The following LRRC31 variants were observed in gnomAD, a reference collection of about 807,000 sequenced individuals.
LRRC31 encodes leucine rich repeat containing 31.
Under a neutral mutation model 46.7 loss-of-function variants are expected in LRRC31, and 35 were observed. The observed-to-expected ratio is 0.75, with a 90% CI of 0.57 to 0.99. The LOEUF (loss-of-function observed/expected upper bound fraction) is 0.99, where lower values mean the gene tolerates loss of function less well. LRRC31 is among the 50% of genes least tolerant of loss of function. The pLI is 0.00. For missense variants in LRRC31, 613 were observed against 626.1 expected (o/e 0.98, Z 0.22); for synonymous variants, 236 against 235.1 (o/e 1.00, Z -0.03).
intron 8 of LRRC31, among the ~76,000 whole-genome samples, chr3:169,844,266 A>G (rs1198898796): frequency 1.3e-5 from 2 of 152,200 alleles, no homozygotes; most frequent in Non-Finnish European, 2.9e-5. Flanking sequence ...AATGACCATG[A>G]CCAGGCTGAT....
chr3:169,855,077 G>A, intron 5 of LRRC31, 97 bp from the exon 6 acceptor site: 1 of 1,070,552 alleles, frequency 9.3e-7, no homozygotes, highest in Non-Finnish European at 1.4e-6. Context: ...GATTGCTTGA[G>A]CCCCGGAGTT....
chr3:169,840,357 GTC>G, intron 8 of LRRC31, 44 bp from the exon 9 acceptor site: 1 of 1,582,960 alleles, frequency 6.3e-7, no homozygotes, highest in Non-Finnish European at 8.7e-7. Flanking sequence ...CAAGAATACT[GTC>G]TGCCATGGCT....
At chr3:169,844,642 T>C (rs1780549314) in intron 8 of LRRC31, among the ~76,000 whole-genome samples, 1 of 151,996 alleles carries the variant, frequency 6.6e-6, no homozygotes, top group Non-Finnish European at 1.5e-5. Context: ...AAGAAATAAA[T>C]CTGTCTCTAG....
At chr3:169,840,484 T>C (rs1780414586) in intron 8 of LRRC31, among the ~76,000 whole-genome samples, 171 bp from the exon 9 acceptor site, 1 of 152,236 alleles carries the variant, frequency 6.6e-6, no homozygotes, top group Non-Finnish European at 1.5e-5. Flanking sequence ...ACAGATTTCC[T>C]CTCTGTACAT....
intron 8 of LRRC31, 54 bp from the exon 9 acceptor site, chr3:169,840,367 G>C (rs1301925413): frequency 6.4e-7 from 1 of 1,553,280 alleles, no homozygotes; most frequent in South Asian, 1.1e-5. Context: ...GTCTGCCATG[G>C]CTATTCCCAT....
chr3:169,850,108 G>A (rs1209550659), intron 7 of LRRC31, among the ~76,000 whole-genome samples: 1 of 152,098 alleles, frequency 6.6e-6, no homozygotes, highest in Non-Finnish European at 1.5e-5. Flanking sequence ...CCTTAAAAAT[G>A]AATTGTACTG....
chr3:169,863,242 A>G (rs771726753), intron 1 of LRRC31, among the ~76,000 whole-genome samples: 11 of 152,212 alleles, frequency 7.2e-5, no homozygotes, highest in Non-Finnish European at 1.0e-4. Context: ...AAAAATGAAT[A>G]TACATGTACT....
chr3:169,853,000 G>C (rs959616589), intron 6 of LRRC31, among the ~76,000 whole-genome samples: 3 of 152,232 alleles, frequency 2.0e-5, no homozygotes, highest in African/African-American at 7.2e-5. Context: ...TCAGGGGAAA[G>C]AAAGGGGAAA....
chr3:169,854,072 T>C lies in LRRC31; in HGVS notation c.991+741A>G, dbSNP rs1780869741. 2.0e-5 allele frequency among the ~76,000 whole-genome samples: 3 copies of C among 152,014 alleles called. 1 individual carries two copies. The South Asian group carries it at 6.2e-4, about 31-fold the overall frequency. On this transcript the variant is annotated intron_variant, in intron 6 of 8. Transcript: ENST00000316428. ...AGGGCAGTGGCCAGGGTGGAGTCTGTGAGGAGGAGGGGGAGTGAATGAAGT... is the reference window on the plus strand; with the variant it reads ...AGGGCAGTGGCCAGGGTGGAGTCTGCGAGGAGGAGGGGGAGTGAATGAAGT...
intron 1 of LRRC31, among the ~76,000 whole-genome samples, chr3:169,866,772 C>T (rs1781344739): frequency 6.6e-6 from 1 of 151,922 alleles, no homozygotes; most frequent in South Asian, 2.1e-4. Context: ...TCAGCCTGGC[C>T]CACAAGGTGA....
At chr3:169,841,909 G>A (rs1780461388) in intron 8 of LRRC31, among the ~76,000 whole-genome samples, 1 of 152,084 alleles carries the variant, frequency 6.6e-6, no homozygotes, top group Non-Finnish European at 1.5e-5. Flanking sequence ...GCTGGGCATG[G>A]TGGCGGGCAC....
chr3:169,853,601 TATG>T (rs1780854810), intron 6 of LRRC31: 1 of 985,748 alleles, frequency 1.0e-6, no homozygotes, highest in Admixed American at 6.1e-5. Context: ...ACGCTCAGGC[TATG>T]ATAAGTAAAG....
At chr3:169,840,920 A>T (rs184586420) in intron 8 of LRRC31, among the ~76,000 whole-genome samples, 92 of 152,332 alleles carry the variant, frequency 6.0e-4, no homozygotes, top group Middle Eastern at 3.4e-3. Context: ...TGAAATAAAG[A>T]CTTCTGTAAG....
At chr3:169,851,578 A>G (rs750269288) in intron 7 of LRRC31, 41 bp downstream of exon 7, 50 of 1,569,514 alleles carry the variant, frequency 3.2e-5, no homozygotes, top group Non-Finnish European at 4.0e-5. Flanking sequence ...TCCCTCGCAC[A>G]TTATTGCATG....
Position 169,840,121 on chromosome 3 carries a change from T to C in LRRC31, c.1520A>G (p.Tyr507Cys). Residue 507 changes from tyrosine (Y) to cysteine (C), a missense_variant, in exon 9 of 9, where the codon TAT becomes TGT. Tyr to Cys is a radical substitution (Grantham distance 194). Coordinates refer to ENST00000316428, the MANE Select transcript of LRRC31 (RefSeq NM_024727.4). ...GATCTGAGGAAGCTTGGTCACAGCA[T>C]ATAACAAGTGTCTAAACCATTGTCC... ...DCGQWFRHLLYAVTKLPQITE... is the reference protein window; with the variant it reads ...DCGQWFRHLLCAVTKLPQITE... 6.2e-7 allele frequency: 1 copy of C among 1,614,158 alleles called. No homozygotes were observed. Among genetic ancestry groups the C allele is most frequent in the African/African-American group, 1.3e-5 (1 of 75,034 alleles).
intron 1 of LRRC31, among the ~76,000 whole-genome samples, chr3:169,863,607 A>G (rs944128039): frequency 2.6e-5 from 4 of 152,218 alleles, no homozygotes; most frequent in African/African-American, 9.6e-5. Context: ...CACCAGTAGG[A>G]GGCAGCAGCA....
intron 8 of LRRC31, among the ~76,000 whole-genome samples, chr3:169,842,571 G>C (rs555801339): frequency 6.6e-6 from 1 of 152,022 alleles, no homozygotes. Context: ...GGCTGGTCTC[G>C]AACTCCTGAC....
intron 7 of LRRC31, among the ~76,000 whole-genome samples, chr3:169,850,203 A>T (rs1780715608): frequency 6.6e-6 from 1 of 152,250 alleles, no homozygotes; most frequent in Non-Finnish European, 1.5e-5. Flanking sequence ...TAATAAAAAT[A>T]AATGCATATT....
chr3:169,845,493 G>T (rs938236645), intron 8 of LRRC31, among the ~76,000 whole-genome samples: 15 of 152,088 alleles, frequency 9.9e-5, no homozygotes, highest in East Asian at 1.9e-4. Context: ...GCGTGATATT[G>T]GTAAAATAAG....
Sources: allele counts gnomAD v4.1 joint callset (sites outside exome capture counted in the v4.1 genomes callset), GRCh38; gene constraint gnomAD v4.1.1; transcripts MANE v1.5; gene names NCBI Gene and HGNC (gene_info 2026-07-23, HGNC 2026-07-21).